KDM2A: variants seen among roughly 807,000 people sequenced by gnomAD.
KDM2A encodes the protein lysine-specific demethylase 2A.
Under a neutral mutation model 137.3 loss-of-function variants are expected in KDM2A, and 3 were observed. That is an observed-to-expected ratio of 0.02 (90% confidence interval 0.01 to 0.06). The LOEUF (loss-of-function observed/expected upper bound fraction) is 0.06, where lower values mean the gene tolerates loss of function less well. Ranked by LOEUF, KDM2A falls within the 10% of genes least tolerant of loss-of-function variation. The probability of loss-of-function intolerance (pLI) is 1.00; values close to 1 mark genes in which losing one functional copy is unlikely to be tolerated. For synonymous variants in KDM2A, 512 were observed against 541.5 expected (o/e 0.95, Z 0.76); for missense variants, 738 against 1,510.6 (o/e 0.49, Z 8.48).
chr11:67,224,710 C>T (rs1049452302), intron 10 of KDM2A, among the ~76,000 whole-genome samples: 1 of 151,788 alleles, frequency 6.6e-6, no homozygotes, highest in Admixed American at 6.6e-5. Context: ...TCATGATCCA[C>T]CCACCTCAGC....
intron 12 of KDM2A, among the ~76,000 whole-genome samples, chr11:67,240,713 C>G (rs1859009437): frequency 6.6e-6 from 1 of 152,208 alleles, no homozygotes; most frequent in Admixed American, 6.5e-5. Flanking sequence ...CACCCCCGCT[C>G]TCCTATCCCA....
chr11:67,148,888 AT>A (rs1410045376), intron 2 of KDM2A, among the ~76,000 whole-genome samples: 2 of 152,152 alleles, frequency 1.3e-5, no homozygotes, highest in Non-Finnish European at 2.9e-5. Context: ...TTTGCCTAGA[AT>A]TAACCAAAAG....
intron 2 of KDM2A, among the ~76,000 whole-genome samples, chr11:67,168,282 A>G (rs1856791778): frequency 6.6e-6 from 1 of 152,106 alleles, no homozygotes; most frequent in Non-Finnish European, 1.5e-5. Flanking sequence ...TGAATGAATC[A>G]GCATTTTTCT....
intron 2 of KDM2A, among the ~76,000 whole-genome samples, chr11:67,177,243 G>C (rs1044605803): frequency 1.1e-4 from 17 of 152,094 alleles, no homozygotes; most frequent in Non-Finnish European, 7.4e-5. Flanking sequence ...TCCAGCCTGG[G>C]CAACAGAGCA....
chr11:67,143,139 A>G (rs1220664004), intron 2 of KDM2A: 1 of 150,498 alleles, frequency 6.6e-6, no homozygotes, highest in Non-Finnish European at 1.5e-5. Context: ...CTCTTGCGTC[A>G]GCATCCCGAG....
At chr11:67,123,796 C>T (rs923163393) in intron 2 of KDM2A, among the ~76,000 whole-genome samples, 14 of 152,212 alleles carry the variant, frequency 9.2e-5, no homozygotes, top group African/African-American at 3.4e-4. Context: ...CTTGTCTCAG[C>T]TTCCCGAGTA....
intron 2 of KDM2A, among the ~76,000 whole-genome samples, chr11:67,179,031 C>T (rs1051405285): frequency 6.6e-6 from 1 of 152,188 alleles, no homozygotes; most frequent in Non-Finnish European, 1.5e-5. Flanking sequence ...TATGAGGCTT[C>T]CAGTTGGTCT....
At chr11:67,199,358 G>T (rs886151979) in intron 5 of KDM2A, among the ~76,000 whole-genome samples, 1 of 152,156 alleles carries the variant, frequency 6.6e-6, no homozygotes, top group Non-Finnish European at 1.5e-5. Context: ...TAAGTTTAGT[G>T]ATTAAGGCAT....
At chr11:67,180,339 C>A (rs1857063409) in intron 3 of KDM2A, 122 bp downstream of exon 3, 3 of 1,033,278 alleles carry the variant, frequency 2.9e-6, no homozygotes, top group Non-Finnish European at 2.7e-6. Flanking sequence ...TATCTATTTT[C>A]TCTTGTTATA....
chr11:67,151,996 C>T (rs1856402344), intron 2 of KDM2A, among the ~76,000 whole-genome samples: 1 of 152,078 alleles, frequency 6.6e-6, no homozygotes, highest in South Asian at 2.1e-4. Flanking sequence ...AAGTGATTTA[C>T]TGGGTTAAAT....
At chr11:67,166,819 G>GT (rs1239944789) in intron 2 of KDM2A, among the ~76,000 whole-genome samples, 1 of 152,188 alleles carries the variant, frequency 6.6e-6, no homozygotes, top group Non-Finnish European at 1.5e-5. Flanking sequence ...GGTCATGTCT[G>GT]TAACTCCAGC....
At chr11:67,180,625 T>G (rs1167231896) in intron 3 of KDM2A, among the ~76,000 whole-genome samples, 1 of 152,092 alleles carries the variant, frequency 6.6e-6, no homozygotes, top group Non-Finnish European at 1.5e-5. Flanking sequence ...ATGTCATATA[T>G]GTATTGTAGT....
chr11:67,246,228 CTG>C, intron 15 of KDM2A, 112 bp downstream of exon 15: 2 of 1,169,626 alleles, frequency 1.7e-6, no homozygotes, highest in Non-Finnish European at 2.5e-6. Flanking sequence ...GCCATCAGCT[CTG>C]TGGTCACATA....
rs1859531751 is a variant in KDM2A at position 67,254,285 on chromosome 11, C to T, written c.3174C>T (p.Leu1058=). Residue 1058 remains leucine (L), a synonymous_variant, in exon 20 of 21, where the codon CTC becomes CTT. Transcript: ENST00000529006. The surrounding 1 kb of genome is among the most constrained non-coding windows in gnomAD (Gnocchi z 4.7). Reference sequence around the variant, plus strand: ...ACATCACAGATGCCACGCTTCGCCTCATAATTCGCCACATGCCCCTCCTGT... The same window carrying T: ...ACATCACAGATGCCACGCTTCGCCTTATAATTCGCCACATGCCCCTCCTGT... ...GLDITDATLR[L]IIRHMPLLSR... The T allele has an allele frequency of 5.6e-6, 9 of 1,614,050 alleles. No individual in the cohort carries two copies. The highest frequency in any genetic ancestry group is 6.8e-6 in the Non-Finnish European group (8 of 1,179,902).
At chr11:67,246,330 T>C (rs1453007366) in intron 15 of KDM2A, among the ~76,000 whole-genome samples, 2 of 152,138 alleles carry the variant, frequency 1.3e-5, no homozygotes, top group African/African-American at 4.8e-5. Flanking sequence ...GTACACAAAA[T>C]AGACCCAGTT....
intron 12 of KDM2A, among the ~76,000 whole-genome samples, chr11:67,237,188 A>G (rs1858896217): frequency 6.6e-6 from 1 of 152,130 alleles, no homozygotes; most frequent in African/African-American, 2.4e-5. Flanking sequence ...GGCTACTGAT[A>G]CTCTTATCTA....
intron 5 of KDM2A, among the ~76,000 whole-genome samples, chr11:67,184,157 G>A (rs955796758): frequency 6.6e-6 from 1 of 150,492 alleles, no homozygotes; most frequent in Admixed American, 6.6e-5. Context: ...CCTAATTGTT[G>A]CAGGCCTCTT....
intron 12 of KDM2A, among the ~76,000 whole-genome samples, chr11:67,233,191 A>G (rs1437002809): frequency 2.0e-5 from 3 of 151,966 alleles, no homozygotes; most frequent in Non-Finnish European, 4.4e-5. Flanking sequence ...AAAACCTCAC[A>G]TAGATTATTT....
chr11:67,205,824 T>C (rs762682072), intron 5 of KDM2A, among the ~76,000 whole-genome samples: 9 of 152,128 alleles, frequency 5.9e-5, no homozygotes, highest in Admixed American at 3.3e-4. Flanking sequence ...CTCCCTTCCT[T>C]GACCACCATT....
Sources: allele counts gnomAD v4.1 joint callset (sites outside exome capture counted in the v4.1 genomes callset), GRCh38; gene constraint gnomAD v4.1.1; non-coding constraint Gnocchi (gnomAD v3.1); transcripts MANE v1.5; gene names NCBI Gene and HGNC (gene_info 2026-07-23, HGNC 2026-07-21).